AHNAK: variants seen among roughly 807,000 people sequenced by gnomAD.
AHNAK encodes neuroblast differentiation-associated protein AHNAK.
In AHNAK, 23 loss-of-function variants were observed where a neutral mutation model predicts 37.8. The ratio of observed to expected loss-of-function variants is 0.61; its 90% CI spans 0.44 to 0.86. The LOEUF (loss-of-function observed/expected upper bound fraction) is 0.86, where lower values mean the gene tolerates loss of function less well. Among genes scored for constraint, AHNAK ranks in the 40% least tolerant of loss-of-function variants. The pLI, the probability that AHNAK is intolerant of heterozygous loss-of-function variation, is 0.00. For missense variants in AHNAK, 7,411 were observed against 7,319.4 expected (o/e 1.01, Z -0.46); for synonymous variants, 2,481 against 2,636.3 (o/e 0.94, Z 1.80).
rs750099399 is a variant in AHNAK, at chr11:62,523,891, C to T, written c.10526G>A (p.Ser3509Asn). 3 of 1,613,964 alleles carry T rather than the reference C, an allele frequency of 1.9e-6. No individual in the cohort carries two copies. Among genetic ancestry groups the T allele is most frequent in the African/African-American group, 2.7e-5 (2 of 74,868 alleles). ...GAGATCTGGGCCCTCAATGTTCATACTTGGGCCCTCTATGTTGATGTCTCC... is the reference window on the plus strand; with the variant it reads ...GAGATCTGGGCCCTCAATGTTCATATTTGGGCCCTCTATGTTGATGTCTCC... ...PKGDINIEGPSMNIEGPDLNV... is the reference protein window; with the variant it reads ...PKGDINIEGPNMNIEGPDLNV... The change falls in exon 5 of 5, where the codon AGT becomes AAT. Residue 3509 changes from serine to asparagine, a missense_variant. Coordinates refer to ENST00000378024, the MANE Select transcript of AHNAK (RefSeq NM_001620.3).
chr11:62,434,414 C>T (rs1938115332), intron 5 of AHNAK, among the ~76,000 whole-genome samples: 1 of 152,224 alleles, frequency 6.6e-6, no homozygotes, highest in East Asian at 1.9e-4. Context: ...CTGTCGTCTC[C>T]CAGAGCCTAA....
intron 5 of AHNAK, among the ~76,000 whole-genome samples, chr11:62,462,514 G>T (rs1938814722): frequency 6.6e-6 from 1 of 152,166 alleles, no homozygotes; most frequent in African/African-American, 2.4e-5. Flanking sequence ...GCCAAGCACA[G>T]GTGGTTTTAG....
At chr11:62,462,618 T>C (rs975929638) in intron 5 of AHNAK, among the ~76,000 whole-genome samples, 1 of 152,168 alleles carries the variant, frequency 6.6e-6, no homozygotes. Context: ...TTAATCCAGA[T>C]CTTCTAACGC....
chr11:62,480,505 AC>A (rs1186769177), intron 5 of AHNAK, among the ~76,000 whole-genome samples: 2 of 151,966 alleles, frequency 1.3e-5, no homozygotes, highest in African/African-American at 4.8e-5. Flanking sequence ...ACTAAAAAAT[AC>A]AAAAATTAGC....
At position 62,523,634 on chromosome 11, in the gene AHNAK, C is replaced by G; in HGVS notation, c.10783G>C (p.Gly3595Arg). The G allele has an allele frequency of 6.2e-7, 1 of 1,614,154 alleles. No individual in the cohort carries two copies. The highest frequency in any genetic ancestry group is 8.5e-7 in the Non-Finnish European group (1 of 1,180,012). Residue 3595 changes from glycine (G) to arginine (R), a missense_variant, in exon 5 of 5, where the codon GGT (glycine) becomes CGT (arginine). Physicochemically the swap from Gly to Arg is moderately radical, Grantham distance 125. Coordinates refer to ENST00000378024, the MANE Select transcript of AHNAK (RefSeq NM_001620.3). ...GGCATCTTCAGATGCCAGTCTGGAC[C>G]ATGAACATCCACATCTGGGGCATTG... is the stretch of plus-strand genomic sequence containing the variant. ...DINAPDVDVH[G>R]PDWHLKMPKV... is the part of the protein sequence containing the mutation.
chr11:62,488,242 G>A (rs575506955), intron 5 of AHNAK, among the ~76,000 whole-genome samples: 17 of 152,260 alleles, frequency 1.1e-4, no homozygotes, highest in Admixed American at 3.3e-4. Flanking sequence ...TTGAAATCCC[G>A]AGACATTTAA....
rs754377745 is a variant in AHNAK, at chr11:62,536,071, G to A, written c.28C>T (p.Leu10=). 4 of 1,597,234 alleles carry A rather than the reference G, an allele frequency of 2.5e-6. No homozygotes were observed. In the Admixed American group the frequency reaches 6.8e-5, roughly 27 times the overall value. ...CTACCCTGCCAGTTGGGCAGCAGCA[G>A]CTCCCGGGTTGTCTCCTCCTTCTCC... MEKEETTRE[L]LLPNWQGSGS... The change falls in exon 3 of 5, where the codon CTG becomes TTG. Residue 10 remains leucine, a synonymous_variant. Coordinates refer to ENST00000378024, the MANE Select transcript of AHNAK (RefSeq NM_001620.3).
In AHNAK at chr11:62,527,571, T is replaced by C; in HGVS notation, c.6846A>G (p.Glu2282=). ...GACCTTCAAGGCTCACATCTGGGAC[T>C]TCAACATCCACCTTGGGTCCTGAGA... The part of the protein sequence containing the change: ...VDVSGPKVDV[E]VPDVSLEGPE... The change falls in exon 5 of 5, where the codon GAA becomes GAG. Residue 2282 remains glutamate (E), a synonymous_variant. Coordinates refer to ENST00000378024, the MANE Select transcript of AHNAK (RefSeq NM_001620.3). 6.2e-7 allele frequency: 1 copy of C among 1,613,018 alleles called. No homozygotes were observed. Among genetic ancestry groups the C allele is most frequent in the Non-Finnish European group, 8.5e-7 (1 of 1,179,754 alleles).
At chr11:62,502,757 C>A (rs1184799807) in intron 4 of AHNAK, among the ~76,000 whole-genome samples, 2 of 152,164 alleles carry the variant, frequency 1.3e-5, no homozygotes, top group African/African-American at 2.4e-5. Context: ...GACCTCTGAG[C>A]TGAAACCCAA....
At chr11:62,433,980 A>T (rs1165100178) in intron 5 of AHNAK, 1 of 1,547,492 alleles carries the variant, frequency 6.5e-7, no homozygotes, top group Non-Finnish European at 8.8e-7. Context: ...CTTTGCACCA[A>T]CTGAAAGAAG....
chr11:62,464,009 C>A (rs1181030455), intron 5 of AHNAK, among the ~76,000 whole-genome samples: 1 of 151,508 alleles, frequency 6.6e-6, no homozygotes, highest in Non-Finnish European at 1.5e-5. Flanking sequence ...ATCTCGTGAT[C>A]CGCCCGCCTC....
chr11:62,507,891 C>T (rs977230727), intron 4 of AHNAK, among the ~76,000 whole-genome samples: 3 of 152,226 alleles, frequency 2.0e-5, no homozygotes, highest in African/African-American at 7.2e-5. Flanking sequence ...TATTATTCCC[C>T]TACTGGATGG....
intron 5 of AHNAK, among the ~76,000 whole-genome samples, chr11:62,435,470 G>T (rs1938142808): frequency 6.6e-6 from 1 of 152,048 alleles, no homozygotes; most frequent in Admixed American, 6.6e-5. Context: ...GAATGCAGTG[G>T]CGCGATCTTG....
At chr11:62,455,595 C>T (rs540087981) in intron 5 of AHNAK, among the ~76,000 whole-genome samples, 2 of 152,238 alleles carry the variant, frequency 1.3e-5, no homozygotes, top group East Asian at 1.9e-4. Flanking sequence ...ATCCCAGCTA[C>T]TCAGGAGGCT....
chr11:62,466,471 T>TTTGA (rs1255375053), intron 5 of AHNAK, among the ~76,000 whole-genome samples: 1 of 3,228 alleles, frequency 3.1e-4, no homozygotes, highest in Non-Finnish European at 1.3e-3. Flanking sequence ...AAGTTTTGAT[T>TTTGA]TTTTTTTTTT....
chr11:62,508,858 C>G lies in AHNAK; in HGVS notation c.343-17027G>C, dbSNP rs187875007. ...AAGCTCAAAGCCAGAACTCCACTTT[C>G]AAAACTCCCAGCCCGAGATCACGCC... On this transcript the variant is annotated intron_variant, in intron 4 of 5. Coordinates refer to the AHNAK transcript ENST00000257247. Among the ~76,000 whole-genome samples the G allele has an allele frequency of 5.9e-5, 9 of 152,374 alleles. No individual in the cohort carries two copies. In the East Asian group the frequency reaches 1.5e-3, roughly 26 times the overall value.
chr11:62,445,636 T>C (rs1375834055), intron 5 of AHNAK, among the ~76,000 whole-genome samples: 5 of 151,962 alleles, frequency 3.3e-5, no homozygotes, highest in Non-Finnish European at 1.5e-5. Context: ...GGAGGATCAC[T>C]TGAGCACGGA....
At position 62,531,245 on chromosome 11, in the gene AHNAK, G is replaced by A. The variant is rs1263486868; in HGVS notation, c.3172C>T (p.Pro1058Ser). The change falls in exon 5 of 5, where the codon CCT becomes TCT. Residue 1058 changes from proline (P) to serine (S), a missense_variant. Pro to Ser is a moderately conservative substitution (Grantham distance 74, BLOSUM62 -1). Coordinates refer to ENST00000378024, the MANE Select transcript of AHNAK (RefSeq NM_001620.3). ...GKLKGPKFKMPEMHFRAPKMS... is the reference protein window; with the variant it reads ...GKLKGPKFKMSEMHFRAPKMS... The stretch of plus-strand genomic sequence containing the variant: ...TTAGGAGCTCTGAAGTGCATCTCAG[G>A]CATCTTAAACTTCGGGCCTTTCAAC... 6.2e-7 allele frequency: 1 copy of A among 1,613,980 alleles called. No homozygotes were observed. Among genetic ancestry groups the A allele is most frequent in the East Asian group, 2.2e-5 (1 of 44,886 alleles).
Position 62,525,320 on chromosome 11 carries a change from G to C in AHNAK, c.9097C>G (p.Pro3033Ala), listed in dbSNP as rs1460056373. The C allele has an allele frequency of 3.7e-6, 6 of 1,613,338 alleles. No individual in the cohort carries two copies. Among genetic ancestry groups the C allele is most frequent in the South Asian group, 2.2e-5 (2 of 91,024 alleles). ...TCTGGGCCCTCTCCTTTGAAGCCAG[G>C]CATGCTGAATTTGGGCATTTTCACT... The part of the protein sequence containing the change: ...PKVKMPKFSM[P>A]GFKGEGPDVD... The change falls in exon 5 of 5, where the codon CCT (proline) becomes GCT (alanine). Residue 3033 changes from proline to alanine, a missense_variant. Coordinates refer to ENST00000378024, the MANE Select transcript of AHNAK (RefSeq NM_001620.3).
Sources: gnomAD v4.1 joint callset for allele counts (sites outside exome capture counted in the v4.1 genomes callset) on GRCh38, gnomAD v4.1.1 for gene constraint, MANE v1.5 for transcripts, NCBI Gene and HGNC (gene_info 2026-07-23, HGNC 2026-07-21) for gene names.